Variants in PPM1B observed in about 807,000 individuals in gnomAD.
PPM1B encodes protein phosphatase, Mg2+/Mn2+ dependent 1B, also known as protein phosphatase 1B.
A neutral mutation model predicts 43.0 loss-of-function variants in PPM1B; 22 were observed. That is an observed-to-expected ratio of 0.51 (90% CI 0.37 to 0.73). PPM1B has a LOEUF of 0.73. PPM1B is among the 30% of genes least tolerant of loss of function. PPM1B has a pLI of 0.00. For missense variants in PPM1B, 632 were observed against 584.2 expected, an observed-to-expected ratio of 1.08 and a Z score of -0.84; for synonymous variants, 217 against 197.9, an observed-to-expected ratio of 1.10 and a Z score of -0.81.
At chr2:44,183,639 G>A (rs1202105421) in intron 1 of PPM1B, among the ~76,000 whole-genome samples, 2 of 152,192 alleles carry the variant, frequency 1.3e-5, no homozygotes, top group Non-Finnish European at 2.9e-5. Flanking sequence ...AGCCCCAGGA[G>A]GAAGGGAGAG....
At chr2:44,226,971 T>TATTTATGA (rs756776044) in intron 5 of PPM1B, among the ~76,000 whole-genome samples, 113 of 142,608 alleles carry the variant, frequency 7.9e-4, no homozygotes, top group East Asian at 4.1e-3. Context: ...TTTATTTATT[T>TATTTATGA]ATGAATGAAT....
chr2:44,202,475 T>C (rs1239134336), intron 2 of PPM1B, among the ~76,000 whole-genome samples: 1 of 152,222 alleles, frequency 6.6e-6, no homozygotes, highest in Non-Finnish European at 1.5e-5. Flanking sequence ...CTGTATAAAA[T>C]TTAGTCCTGA....
intron 5 of PPM1B, among the ~76,000 whole-genome samples, chr2:44,223,666 AT>A (rs1479479295): frequency 4.6e-5 from 7 of 151,358 alleles, no homozygotes; most frequent in Non-Finnish European, 1.0e-4. Flanking sequence ...AAAAAACAAA[AT>A]TAGCCAGGCG....
At chr2:44,176,407 T>C (rs1304139041) in intron 1 of PPM1B, among the ~76,000 whole-genome samples, 3 of 152,276 alleles carry the variant, frequency 2.0e-5, no homozygotes, top group Admixed American at 1.3e-4. Flanking sequence ...ATGGCTACTT[T>C]TGTGCTCTTA....
chr2:44,220,331 G>A (rs532244879), intron 5 of PPM1B, among the ~76,000 whole-genome samples: 1 of 151,282 alleles, frequency 6.6e-6, no homozygotes, highest in South Asian at 2.1e-4. Flanking sequence ...CTCCAAACAA[G>A]GTTTTCTGTT....
At chr2:44,188,715 T>TTTCCTTCCTTCC (rs1156418924) in intron 1 of PPM1B, among the ~76,000 whole-genome samples, 1 of 142,244 alleles carries the variant, frequency 7.0e-6, no homozygotes, top group Non-Finnish European at 1.6e-5. Flanking sequence ...GCCTGCCTGC[T>TTTCCTTCCTTCC]TTCCTTCCTT....
In PPM1B at chr2:44,201,090, A is replaced by T; in HGVS notation, c.-14-96A>T. 7.8e-7 allele frequency: 1 copy of T among 1,283,258 alleles called. No homozygotes were observed. The highest frequency in any genetic ancestry group is 1.1e-6 in the Non-Finnish European group (1 of 950,152). 79.5% of individuals were successfully genotyped at this position (1,283,258 alleles called of 1,614,324 possible). On this transcript the variant is annotated intron_variant, in intron 1 of 5. Transcript: ENST00000282412. This position sits in a 1 kb window ranked among gnomAD's most constrained non-coding sequence, Gnocchi z 5.4. ...CGTAAATTAGGATAATACTAAAAAA[A>T]ATACTTGAGGTAGGAGTTACTAGAC...
chr2:44,174,779 C>T (rs1398232289), intron 1 of PPM1B, among the ~76,000 whole-genome samples: 6 of 152,170 alleles, frequency 3.9e-5, no homozygotes, highest in Non-Finnish European at 5.9e-5. Flanking sequence ...GAGCACTCCT[C>T]GCATTGAAAA....
chr2:44,232,576 C>G (rs530090287), downstream of PPM1B: 4 of 1,368,796 alleles, frequency 2.9e-6, no homozygotes, highest in East Asian at 5.8e-5. Flanking sequence ...CAGGCATACT[C>G]GTTACATCTG....
rs996155242 is a variant in PPM1B at position 44,241,011 on chromosome 2, T to TA, written n.1547-3217_1547-3216insA. On this transcript the variant is annotated intron_variant and non_coding_transcript_variant, in intron 5 of 5. Transcript: ENST00000378540. ...TGGGAAGCATCTTTATTTTTATTTT[T>TA]TTTTTTTTTGAGACGGAGTTTCACT... is the stretch of plus-strand genomic sequence containing the variant. Among the ~76,000 whole-genome samples the TA allele has an allele frequency of 6.9e-5, 10 of 144,576 alleles. No individual in the cohort carries two copies. The Middle Eastern group carries it at 0.011, about 159-fold the overall frequency. 94.8% of individuals were successfully genotyped at this position (144,576 alleles called of 152,430 possible).
At chr2:44,192,403 A>G (rs1279557769) in intron 1 of PPM1B, among the ~76,000 whole-genome samples, 1 of 151,938 alleles carries the variant, frequency 6.6e-6, no homozygotes, top group Non-Finnish European at 1.5e-5. Flanking sequence ...TTCAGTAGAG[A>G]TGGGGTTTCG....
chr2:44,244,507 G>T, downstream of PPM1B: 1 of 671,478 alleles, frequency 1.5e-6, no homozygotes, highest in African/African-American at 2.0e-5. Flanking sequence ...GTGGCTTCTT[G>T]GCAGCACTTT....
chr2:44,199,782 C>T (rs1668845283), intron 1 of PPM1B, among the ~76,000 whole-genome samples: 1 of 152,068 alleles, frequency 6.6e-6, no homozygotes, highest in Non-Finnish European at 1.5e-5. Flanking sequence ...TCTATAAATA[C>T]ATTTGTAATT....
intron 5 of PPM1B, among the ~76,000 whole-genome samples, chr2:44,239,709 A>T (rs1471101086): frequency 6.6e-6 from 1 of 152,250 alleles, no homozygotes; most frequent in Non-Finnish European, 1.5e-5. Context: ...TCCCAAGCAC[A>T]TATATTTAGG....
rs13007236 is a variant in PPM1B at position 44,223,843 on chromosome 2, A to G, written c.1134+5306A>G. Reference sequence around the variant, plus strand: ...AAAAAAAAAAAAAAAAAAAAAAAAAAAGAGAGAGAGAGAGAAAATGCACTA... The same window carrying G: ...AAAAAAAAAAAAAAAAAAAAAAAAAGAGAGAGAGAGAGAGAAAATGCACTA... On this transcript the variant is annotated intron_variant, in intron 5 of 5. Transcript: ENST00000282412. Among the ~76,000 whole-genome samples, 376 of 132,240 alleles carry G rather than the reference A, an allele frequency of 2.8e-3. 1 individual carries two copies. Among genetic ancestry groups the G allele is most frequent in the African/African-American group, 8.4e-3 (259 of 30,752 alleles). The allele number at this position is 132,240 out of a possible 152,430, so 86.8% of individuals were successfully genotyped here. A position where few individuals can be genotyped will look rare whatever the true frequency, so the allele number is the denominator to read the frequency against.
intron 5 of PPM1B, chr2:44,230,044 A>G (rs1259868356): frequency 1.3e-6 from 2 of 1,573,090 alleles, no homozygotes; most frequent in South Asian, 1.2e-5. Flanking sequence ...TCCTTTTCCT[A>G]CTGCTTTAAA....
At position 44,169,635 on chromosome 2, in the gene PPM1B, C is replaced by G. The variant is rs902058618; in HGVS notation, c.-15+361C>G. Among the ~76,000 whole-genome samples, 3 of 152,220 alleles carry G rather than the reference C, an allele frequency of 2.0e-5. No individual in the cohort carries two copies. In the East Asian group the frequency reaches 5.8e-4, roughly 29 times the overall value. On this transcript the variant is annotated intron_variant, in intron 1 of 5. Coordinates refer to ENST00000282412, the MANE Select transcript of PPM1B (RefSeq NM_002706.6). ...ACTGGGGCTACCCCAAGCCTTGGCG[C>G]TTCTCTTCCTGGTGCATGCCCTGTT...
chr2:44,234,542 A>AG (rs1670560375), downstream of PPM1B: 5 of 982,586 alleles, frequency 5.1e-6, no homozygotes, highest in African/African-American at 1.8e-5. Flanking sequence ...AGAAAAAAAA[A>AG]AACTTTTCCG....
At chr2:44,179,405 A>G (rs962107984) in intron 1 of PPM1B, among the ~76,000 whole-genome samples, 10 of 152,160 alleles carry the variant, frequency 6.6e-5, no homozygotes, top group Non-Finnish European at 1.5e-4. Flanking sequence ...TAACATTCCT[A>G]CTAGCCCCGA....
Sources: gnomAD v4.1 joint callset for allele counts (sites outside exome capture counted in the v4.1 genomes callset) on GRCh38, gnomAD v4.1.1 for gene constraint, Gnocchi (gnomAD v3.1) non-coding constraint, MANE v1.5 for transcripts, NCBI Gene and HGNC (gene_info 2026-07-23, HGNC 2026-07-21) for gene names.